PLA2R1: variants seen among roughly 807,000 people sequenced by gnomAD.
PLA2R1 encodes secretory phospholipase A2 receptor.
Under a neutral mutation model 195.9 loss-of-function variants are expected in PLA2R1, and 158 were observed. The ratio of observed to expected loss-of-function variants is 0.81; its 90% CI spans 0.71 to 0.92. PLA2R1 has a LOEUF of 0.92. Ranked by LOEUF, PLA2R1 falls within the 40% of genes least tolerant of loss-of-function variation. The probability of loss-of-function intolerance (pLI) is 0.00; values close to 1 mark genes in which losing one functional copy is unlikely to be tolerated. For synonymous variants in PLA2R1, 586 were observed against 598.2 expected (o/e 0.98, Z 0.30); for missense variants, 1,626 against 1,764.6 (o/e 0.92, Z 1.41).
At chr2:159,990,858 A>G (rs550370376) in intron 11 of PLA2R1, among the ~76,000 whole-genome samples, 1 of 150,242 alleles carries the variant, frequency 6.7e-6, no homozygotes, top group African/African-American at 2.5e-5. Flanking sequence ...AGGATTTGAA[A>G]CCAGATTTAT....
intron 1 of PLA2R1, among the ~76,000 whole-genome samples, chr2:160,046,761 A>T (rs1488162434): frequency 6.6e-6 from 1 of 152,010 alleles, no homozygotes; most frequent in Non-Finnish European, 1.5e-5. Context: ...TTTTAGGGAG[A>T]TTTCATTTAG....
rs1383596288 is a variant in PLA2R1, at chr2:159,956,568, T to C, written c.2964A>G (p.Gln988=). The C allele has an allele frequency of 1.9e-6, 3 of 1,613,798 alleles. No individual in the cohort carries two copies. Among genetic ancestry groups the C allele is most frequent in the African/African-American group, 1.3e-5 (1 of 74,912 alleles). Residue 988 remains glutamine, a synonymous_variant, in exon 21 of 30, where the codon CAA becomes CAG. Transcript: ENST00000283243. ...TCCCCCCTTCTTCAGCACAGAAATGTTGAGCATGCGTCCAGTTCTTCCAAC... is the reference window on the plus strand; with the variant it reads ...TCCCCCCTTCTTCAGCACAGAAATGCTGAGCATGCGTCCAGTTCTTCCAAC... ...PSSWKNWTHA[Q]HFCAEEGGTL...
chr2:159,989,963 T>G (rs1017561758), intron 11 of PLA2R1, among the ~76,000 whole-genome samples: 3 of 152,222 alleles, frequency 2.0e-5, no homozygotes, highest in African/African-American at 7.2e-5. Context: ...GAGATGTTTG[T>G]GAACCACTAT....
chr2:159,947,483 G>A lies in PLA2R1; in HGVS notation c.3786C>T (p.Tyr1262=), dbSNP rs990788678. The change falls in exon 26 of 30, where the codon TAC becomes TAT. Residue 1262 remains tyrosine, a synonymous_variant. Transcript: ENST00000283243. ...IPWIKFKSNC[Y]SFSTVLDSMS... ...TACTGTCTAGGACTGTAGAAAAACT[G>A]TAGCAATTACTTTTAAATTTTATCC... 6.2e-7 allele frequency: 1 copy of A among 1,613,012 alleles called. No individual in the cohort carries two copies. The highest frequency in any genetic ancestry group is 1.3e-5 in the African/African-American group (1 of 75,006).
chr2:160,055,974 C>T (rs150126153), intron 1 of PLA2R1, among the ~76,000 whole-genome samples: 2,028 of 152,198 alleles, frequency 0.013, 29 homozygotes, highest in Middle Eastern at 0.099. Context: ...CCCCCTTCCT[C>T]GCCACTGGGG....
intron 10 of PLA2R1, among the ~76,000 whole-genome samples, chr2:160,012,876 C>G (rs529999425): frequency 6.6e-6 from 1 of 151,896 alleles, no homozygotes; most frequent in Non-Finnish European, 1.5e-5. Context: ...TGCACCACTG[C>G]ACTCCAGCCT....
downstream of PLA2R1, among the ~76,000 whole-genome samples, chr2:159,927,640 C>A (rs1299304730): frequency 6.6e-6 from 1 of 152,218 alleles, no homozygotes; most frequent in African/African-American, 2.4e-5. Context: ...TATTTGGGTT[C>A]CAGTGCATAA....
chr2:159,983,441 A>G (rs959438936), intron 13 of PLA2R1, among the ~76,000 whole-genome samples: 4 of 148,706 alleles, frequency 2.7e-5, no homozygotes, highest in African/African-American at 1.0e-4. Context: ...TAAAAAAAAA[A>G]TTACTGGGAC....
chr2:159,925,243 G>A, the PLA2R1 span, among the ~76,000 whole-genome samples: 4 of 151,854 alleles, frequency 2.6e-5, no homozygotes, highest in Non-Finnish European at 4.4e-5. Flanking sequence ...ATTGTGTTAC[G>A]GCAATGGTAA....
At chr2:159,951,743 C>T (rs548496441) in intron 23 of PLA2R1, among the ~76,000 whole-genome samples, 165 bp from the exon 24 acceptor site, 33 of 152,094 alleles carry the variant, frequency 2.2e-4, no homozygotes, top group Non-Finnish European at 3.4e-4. Flanking sequence ...GTAAGTGATG[C>T]AAAAAAATGA....
At chr2:160,057,222 C>T (rs1384030704) in intron 1 of PLA2R1, among the ~76,000 whole-genome samples, 1 of 152,150 alleles carries the variant, frequency 6.6e-6, no homozygotes, top group African/African-American at 2.4e-5. Context: ...AAAGAACAAC[C>T]AAGCAGGAAC....
At chr2:160,009,205 G>A (rs945011954) in intron 10 of PLA2R1, among the ~76,000 whole-genome samples, 8 of 152,162 alleles carry the variant, frequency 5.3e-5, no homozygotes, top group Non-Finnish European at 1.2e-4. Context: ...TCACTTATAG[G>A]CATACATGCC....
chr2:159,924,737 G>C, the PLA2R1 span, among the ~76,000 whole-genome samples: 2 of 149,480 alleles, frequency 1.3e-5, no homozygotes, highest in East Asian at 2.0e-4. Flanking sequence ...GCTGGGGGGG[G>C]GGCGGTGCGA....
At chr2:160,039,337 A>G (rs935360636) in intron 3 of PLA2R1, among the ~76,000 whole-genome samples, 1 of 152,154 alleles carries the variant, frequency 6.6e-6, no homozygotes, top group Non-Finnish European at 1.5e-5. Flanking sequence ...AATGGCCCAT[A>G]ATTGCCTCTA....
At chr2:160,016,531 G>A (rs1692778085) in intron 9 of PLA2R1, 83 bp downstream of exon 9, 2 of 733,526 alleles carry the variant, frequency 2.7e-6, no homozygotes, top group African/African-American at 1.8e-5. Flanking sequence ...AGGAGAAAGA[G>A]AAATTCACTT....
chr2:159,936,842 A>G lies in PLA2R1; in HGVS notation c.*4936T>C, dbSNP rs1686859154. ...GACCATAGCAGGCTTCGCATGATCA[A>G]TAAATTAACTTCTGAGTTTTGTTTT... On this transcript the variant is annotated 3_prime_UTR_variant, in exon 30 of 30. Coordinates refer to ENST00000283243, the MANE Select transcript of PLA2R1 (RefSeq NM_007366.5). The G allele has an allele frequency of 6.6e-6, 1 of 152,262 alleles. No individual in the cohort carries two copies. Among genetic ancestry groups the G allele is most frequent in the Non-Finnish European group, 1.5e-5 (1 of 68,048 alleles). 9.4% of individuals were successfully genotyped at this position (152,262 alleles called of 1,614,324 possible).
At chr2:160,007,314 C>T (rs1692057249) in intron 10 of PLA2R1, among the ~76,000 whole-genome samples, 1 of 152,278 alleles carries the variant, frequency 6.6e-6, no homozygotes, top group East Asian at 1.9e-4. Context: ...AGGAGAAGGG[C>T]GGGGTCCCTG....
intron 12 of PLA2R1, among the ~76,000 whole-genome samples, chr2:159,985,809 C>G (rs1051584675): frequency 2.0e-5 from 3 of 152,118 alleles, no homozygotes; most frequent in Non-Finnish European, 4.4e-5. Flanking sequence ...TGCAGGAGGA[C>G]AGGTCCCCAG....
rs1264433677 is a variant in PLA2R1, at chr2:159,987,258, C to T, written c.1935G>A (p.Gln645=). The T allele has an allele frequency of 1.2e-6, 2 of 1,613,676 alleles. No individual in the cohort carries two copies. Among genetic ancestry groups the T allele is most frequent in the South Asian group, 2.2e-5 (2 of 91,056 alleles). Residue 645 remains glutamine (Q), a synonymous_variant, in exon 12 of 30, where the codon CAG becomes CAA. Coordinates refer to ENST00000283243, the MANE Select transcript of PLA2R1 (RefSeq NM_007366.5). ...RHFKAMSLCK[Q]PVENQEKAEY... is the part of the protein sequence containing the mutation. ...CTGCTTTTTCCTGATTTTCAACTGG[C>T]TGCTTGCACAAGGACATTGCCTTAA... is the stretch of plus-strand genomic sequence containing the variant.
Sources: allele counts gnomAD v4.1 joint callset (sites outside exome capture counted in the v4.1 genomes callset), GRCh38; gene constraint gnomAD v4.1.1; transcripts MANE v1.5; gene names NCBI Gene and HGNC (gene_info 2026-07-23, HGNC 2026-07-21).